Variants in BMAL2 observed in about 807,000 individuals in gnomAD.
BMAL2 encodes basic helix-loop-helix ARNT-like protein 2.
chr12:27,392,858 G>A, the BMAL2 span, among the ~76,000 whole-genome samples: 3 of 152,244 alleles, frequency 2.0e-5, no homozygotes, highest in East Asian at 3.9e-4. Context: ...TAGTATTTTA[G>A]TCATGTTTGT....
the BMAL2 span, chr12:27,402,610 T>C: frequency 1.1e-5 from 18 of 1,608,042 alleles, 1 homozygote; most frequent in African/African-American, 1.6e-4. Context: ...ATGGTGTTTT[T>C]AATTCTAGGG....
chr12:27,401,497 T>C, the BMAL2 span: 1 of 1,558,334 alleles, frequency 6.4e-7, no homozygotes, highest in African/African-American at 1.4e-5. Context: ...TTGACTATTA[T>C]GCTGATAATT....
At chr12:27,391,059 T>G in the BMAL2 span, among the ~76,000 whole-genome samples, 2 of 152,184 alleles carry the variant, frequency 1.3e-5, no homozygotes, top group Non-Finnish European at 1.5e-5. Context: ...GAAAACACTA[T>G]TCTTTTTTTA....
At chr12:27,419,679 A>G in the BMAL2 span, among the ~76,000 whole-genome samples, 1 of 152,196 alleles carries the variant, frequency 6.6e-6, no homozygotes, top group East Asian at 1.9e-4. Context: ...AAGAGAAGCA[A>G]AGGACTTGAA....
the BMAL2 span, among the ~76,000 whole-genome samples, chr12:27,359,814 T>C: frequency 6.6e-6 from 1 of 152,126 alleles, no homozygotes; most frequent in Non-Finnish European, 1.5e-5. Context: ...CTCATAAACC[T>C]TTCCTCTGCC....
At chr12:27,367,133 T>C in the BMAL2 span, among the ~76,000 whole-genome samples, 4 of 152,336 alleles carry the variant, frequency 2.6e-5, no homozygotes, top group Admixed American at 2.0e-4. Flanking sequence ...TATAACAATA[T>C]GCCAGCATCA....
At chr12:27,333,319 G>A in the BMAL2 span, among the ~76,000 whole-genome samples, 1 of 151,982 alleles carries the variant, frequency 6.6e-6, no homozygotes, top group South Asian at 2.1e-4. Flanking sequence ...CTCCCGGGGA[G>A]CGGGACGCGG....
At chr12:27,399,255 C>T in the BMAL2 span, among the ~76,000 whole-genome samples, 1 of 152,218 alleles carries the variant, frequency 6.6e-6, no homozygotes, top group Non-Finnish European at 1.5e-5. Flanking sequence ...TCTCAGTTCT[C>T]ACTGGTCATT....
chr12:27,338,570 C>T, the BMAL2 span, among the ~76,000 whole-genome samples: 3 of 151,986 alleles, frequency 2.0e-5, no homozygotes, highest in African/African-American at 7.3e-5. Flanking sequence ...ATGTTAGTAT[C>T]CTTTGGCTTT....
At chr12:27,394,712 G>T in the BMAL2 span, 1 of 152,262 alleles carries the variant, frequency 6.6e-6, no homozygotes, top group African/African-American at 2.4e-5. Context: ...CCCAGAATTC[G>T]TATGTTGATG....
At chr12:27,389,386 C>A in the BMAL2 span, 1 of 788,974 alleles carries the variant, frequency 1.3e-6, no homozygotes, top group Non-Finnish European at 2.1e-6. Context: ...AAACAGCTAA[C>A]TAAGCTTTTA....
At chr12:27,359,652 A>G in the BMAL2 span, among the ~76,000 whole-genome samples, 7 of 152,120 alleles carry the variant, frequency 4.6e-5, no homozygotes, top group African/African-American at 9.7e-5. Flanking sequence ...GCTGCACTCC[A>G]GTATGGGCAA....
chr12:27,413,339 A>G, the BMAL2 span, among the ~76,000 whole-genome samples: 1 of 152,240 alleles, frequency 6.6e-6, no homozygotes, highest in East Asian at 1.9e-4. Context: ...GTTAATGAAT[A>G]CATGATATGT....
the BMAL2 span, chr12:27,402,641 G>C: frequency 6.2e-7 from 1 of 1,612,654 alleles, no homozygotes; most frequent in Admixed American, 1.7e-5. Context: ...GCCTGGAGAA[G>C]CATCATTTTT....
chr12:27,417,555 T>A, the BMAL2 span, among the ~76,000 whole-genome samples: 1 of 152,120 alleles, frequency 6.6e-6, no homozygotes, highest in East Asian at 1.9e-4. Context: ...TGATGTGTAA[T>A]ATAGCTGCCT....
At chr12:27,401,387 C>A in the BMAL2 span, 1 of 1,581,022 alleles carries the variant, frequency 6.3e-7, no homozygotes, top group Non-Finnish European at 8.7e-7. Context: ...GAGCAGAATA[C>A]ATTTTGGGGA....
At chr12:27,392,337 A>T in the BMAL2 span, among the ~76,000 whole-genome samples, 1 of 152,150 alleles carries the variant, frequency 6.6e-6, no homozygotes, top group Non-Finnish European at 1.5e-5. Flanking sequence ...ACACTATTGG[A>T]AATAGTCCAC....
chr12:27,362,803 T>TTGTTGTTG, the BMAL2 span, among the ~76,000 whole-genome samples: 4 of 151,998 alleles, frequency 2.6e-5, no homozygotes, highest in African/African-American at 4.8e-5. Flanking sequence ...ATTATCGGTT[T>TTGTTGTTG]TTGTTGTTGT....
chr12:27,394,210 G>A, the BMAL2 span, among the ~76,000 whole-genome samples: 1 of 152,070 alleles, frequency 6.6e-6, no homozygotes, highest in Non-Finnish European at 1.5e-5. Flanking sequence ...AGGATTTCAG[G>A]TGTGAGCCAC....
Sources: allele counts gnomAD v4.1 joint callset (sites outside exome capture counted in the v4.1 genomes callset), GRCh38; gene constraint gnomAD v4.1.1; transcripts MANE v1.5; gene names NCBI Gene and HGNC (gene_info 2026-07-23, HGNC 2026-07-21).